Variants in IL1RAPL1 observed in about 807,000 individuals in gnomAD.
IL1RAPL1 encodes the protein interleukin-1 receptor accessory protein-like 1.
Under a neutral mutation model 48.4 loss-of-function variants are expected in IL1RAPL1, and 3 were observed. The ratio of observed to expected loss-of-function variants is 0.06; its 90% confidence interval spans 0.03 to 0.16. The LOEUF (loss-of-function observed/expected upper bound fraction) is 0.16. Ranked by LOEUF, IL1RAPL1 falls within the 10% of genes least tolerant of loss-of-function variation. The pLI, the probability that IL1RAPL1 is intolerant of heterozygous loss-of-function variation, is 1.00. For synonymous variants in IL1RAPL1, 185 were observed against 187.7 expected, an observed-to-expected ratio of 0.99 and a Z score of 0.12; for missense variants, 349 against 530.6, an observed-to-expected ratio of 0.66 and a Z score of 3.36.
chrX:29,066,757 T>C (rs907320834), intron 2 of IL1RAPL1, among the ~76,000 whole-genome samples: 1 of 111,910 alleles, frequency 8.9e-6, no homozygotes, highest in African/African-American at 3.3e-5. Flanking sequence ...TGTGCAGGAA[T>C]TGGGTGGAGG....
intron 2 of IL1RAPL1, among the ~76,000 whole-genome samples, chrX:28,847,469 A>C (rs758472573): frequency 9.0e-6 from 1 of 111,169 alleles, no homozygotes; most frequent in East Asian, 2.8e-4. Flanking sequence ...ATGGTCTTTT[A>C]TCTCTCTCAG....
At chrX:29,023,205 C>T (rs1285449045) in intron 2 of IL1RAPL1, among the ~76,000 whole-genome samples, 4 of 112,736 alleles carry the variant, frequency 3.5e-5, no homozygotes, top group African/African-American at 9.6e-5. Flanking sequence ...TAAGTAACCA[C>T]GTCAATGTTC....
chrX:28,968,532 G>C, intron 2 of IL1RAPL1, among the ~76,000 whole-genome samples: 1 of 112,044 alleles, frequency 8.9e-6, no homozygotes, highest in Non-Finnish European at 1.9e-5. Flanking sequence ...AAACTACTTT[G>C]AGGAAAACAT....
chrX:28,690,039 C>T (rs1163154563), intron 1 of IL1RAPL1, among the ~76,000 whole-genome samples: 1 of 111,670 alleles, frequency 9.0e-6, no homozygotes. Flanking sequence ...AACTGCATTT[C>T]ATAGGCCTTT....
intron 6 of IL1RAPL1, among the ~76,000 whole-genome samples, chrX:29,712,141 T>G (rs776858752): frequency 1.8e-5 from 2 of 110,376 alleles, no homozygotes; most frequent in South Asian, 7.7e-4. Flanking sequence ...TAGGATTTAT[T>G]TTTCCATTGG....
intron 1 of IL1RAPL1, among the ~76,000 whole-genome samples, chrX:28,704,487 A>G (rs1480007160): frequency 9.4e-6 from 1 of 106,013 alleles, no homozygotes; most frequent in South Asian, 4.3e-4. Flanking sequence ...TTCTTCATGT[A>G]TCAGAAAACT....
chrX:29,323,132 T>A (rs1016722534), intron 3 of IL1RAPL1, among the ~76,000 whole-genome samples: 1 of 111,828 alleles, frequency 8.9e-6, no homozygotes, highest in Non-Finnish European at 1.9e-5. Flanking sequence ...CTTGATTTTA[T>A]CAATTCTTAT....
intron 6 of IL1RAPL1, among the ~76,000 whole-genome samples, chrX:29,793,734 A>G (rs1054841812): frequency 4.4e-5 from 5 of 112,423 alleles, no homozygotes; most frequent in Admixed American, 1.9e-4. Context: ...AATAAATGCA[A>G]TATTGGAATT....
At chrX:29,929,545 ATT>A (rs1256839619) in intron 8 of IL1RAPL1, among the ~76,000 whole-genome samples, 1 of 111,087 alleles carries the variant, frequency 9.0e-6, no homozygotes, top group Non-Finnish European at 1.9e-5. Context: ...CTTCCTAGGG[ATT>A]TTCTTATGCC....
intron 1 of IL1RAPL1, among the ~76,000 whole-genome samples, chrX:28,759,684 A>G (rs896888383): frequency 8.9e-6 from 1 of 111,918 alleles, no homozygotes; most frequent in Non-Finnish European, 1.9e-5. Flanking sequence ...GTATAGTTTC[A>G]GCTAATAAAT....
intron 1 of IL1RAPL1, among the ~76,000 whole-genome samples, chrX:28,661,582 G>A (rs887082108): frequency 9.0e-6 from 1 of 110,858 alleles, no homozygotes; most frequent in Non-Finnish European, 1.9e-5. Context: ...GTGTTTAAAC[G>A]TGAAAACATT....
At chrX:28,621,873 A>G (rs1934288172) in intron 1 of IL1RAPL1, among the ~76,000 whole-genome samples, 1 of 111,836 alleles carries the variant, frequency 8.9e-6, no homozygotes, top group East Asian at 2.8e-4. Context: ...GACAATGTAT[A>G]CTGAAAACAC....
In IL1RAPL1 at chrX:29,306,562, C is replaced by A. The variant is rs1384069822; in HGVS notation, c.362+23345C>A. ...AAAAAAAAAAAAAAAAACGAAAAAA[C>A]CAGAAATAGTTTATTTATGGCCAGG... On this transcript the variant is annotated intron_variant, in intron 3 of 10. Transcript: ENST00000378993. 2.0e-4 allele frequency among the ~76,000 whole-genome samples: 17 copies of A among 83,103 alleles called. No individual in the cohort carries two copies. The South Asian group carries it at 5.8e-3, about 28-fold the overall frequency. 72.2% of individuals were successfully genotyped at this position (83,103 alleles called of 115,157 possible).
intron 5 of IL1RAPL1, among the ~76,000 whole-genome samples, chrX:29,553,947 G>A (rs1182028983): frequency 7.4e-4 from 80 of 108,066 alleles, no homozygotes; most frequent in Non-Finnish European, 8.1e-4. Flanking sequence ...TTTTATTCGA[G>A]GGAAACTAAT....
intron 5 of IL1RAPL1, among the ~76,000 whole-genome samples, chrX:29,558,938 G>A (rs1169711473): frequency 9.0e-6 from 1 of 111,553 alleles, no homozygotes; most frequent in Non-Finnish European, 1.9e-5. Context: ...CTATAGCCTT[G>A]TAGTGTATTT....
intron 5 of IL1RAPL1, among the ~76,000 whole-genome samples, chrX:29,587,750 G>A (rs1022808666): frequency 8.0e-5 from 9 of 112,125 alleles, no homozygotes; most frequent in Middle Eastern, 4.6e-3. Flanking sequence ...TAGCAAAGGC[G>A]AAATAATATG....
chrX:29,669,742 A>G (rs899744811), intron 6 of IL1RAPL1, among the ~76,000 whole-genome samples: 10 of 111,707 alleles, frequency 9.0e-5, no homozygotes, highest in Non-Finnish European at 1.5e-4. Flanking sequence ...TGCAAGTAGT[A>G]TTATAATTGC....
intron 6 of IL1RAPL1, among the ~76,000 whole-genome samples, chrX:29,888,396 G>T (rs1297819699): frequency 9.1e-6 from 1 of 109,735 alleles, no homozygotes; most frequent in Admixed American, 9.8e-5. Flanking sequence ...GCTAATTTTT[G>T]TATTTTTAGT....
At chrX:29,741,984 T>C (rs887423386) in intron 6 of IL1RAPL1, among the ~76,000 whole-genome samples, 13 of 95,263 alleles carry the variant, frequency 1.4e-4, no homozygotes, top group Admixed American at 2.3e-4. Flanking sequence ...TCATTGACCA[T>C]ATACGATCTC....
Sources: gnomAD v4.1 joint callset for allele counts (sites outside exome capture counted in the v4.1 genomes callset) on GRCh38, gnomAD v4.1.1 for gene constraint, MANE v1.5 for transcripts, NCBI Gene and HGNC (gene_info 2026-07-23, HGNC 2026-07-21) for gene names.